Variants in FAM83G observed in about 807,000 individuals in gnomAD.
The protein encoded by FAM83G is protein FAM83G.
In FAM83G, 38 loss-of-function variants were observed where a neutral mutation model predicts 61.5. The observed-to-expected ratio is 0.62, with a 90% CI of 0.48 to 0.81. The LOEUF is 0.81. FAM83G is among the 30% of genes least tolerant of loss of function. The probability of loss-of-function intolerance (pLI) is 0.00; values close to 1 mark genes in which losing one functional copy is unlikely to be tolerated. For missense variants in FAM83G, 989 were observed against 1,133.6 expected (o/e 0.87, Z 1.83); for synonymous variants, 470 against 476.1 (o/e 0.99, Z 0.17).
intron 3 of FAM83G, among the ~76,000 whole-genome samples, chr17:18,979,944 T>A (rs2043086728): frequency 6.6e-6 from 1 of 152,038 alleles, no homozygotes; most frequent in African/African-American, 2.4e-5. Context: ...GCCCTAAAGG[T>A]GTCTGAAGAG....
At chr17:18,973,881 TAA>T (rs1286798460) in intron 5 of FAM83G, among the ~76,000 whole-genome samples, 2 of 134,580 alleles carry the variant, frequency 1.5e-5, no homozygotes, top group Non-Finnish European at 3.1e-5. Context: ...TATTTTTTTT[TAA>T]GTTTTTTTTT....
Position 19,003,882 on chromosome 17 carries a change from T to C in FAM83G, c.160A>G (p.Asn54Asp), listed in dbSNP as rs1597896335. ...AGCTCCGAGAGGAAGTCTCGGATGT[T>C]CTCCCGCTTGAGCACCTCGTAGAAG... ...DAFYEVLKRE[N>D]IRDFLSELEL... is the part of the protein sequence containing the mutation. The change falls in exon 2 of 6, where the codon AAC becomes GAC. Residue 54 changes from asparagine to aspartate, a missense_variant. This residue lies in a region of FAM83G where 371 missense variants were observed against 404.5 expected (regional missense o/e 0.92). Coordinates refer to ENST00000388995, the MANE Select transcript of FAM83G (RefSeq NM_001039999.3). The surrounding 1 kb of genome is among the most constrained non-coding windows in gnomAD (Gnocchi z 4.5). 6.2e-6 allele frequency: 10 copies of C among 1,612,952 alleles called. No individual in the cohort carries two copies. Among genetic ancestry groups the C allele is most frequent in the Non-Finnish European group, 8.5e-6 (10 of 1,179,916 alleles).
intron 3 of FAM83G, among the ~76,000 whole-genome samples, chr17:18,983,934 C>T (rs952862649): frequency 1.3e-5 from 2 of 152,214 alleles, no homozygotes; most frequent in Admixed American, 6.5e-5. Context: ...GACCTGTCCC[C>T]GGCAGTGTAG....
chr17:18,974,865 G>A (rs1184971716), intron 5 of FAM83G, among the ~76,000 whole-genome samples: 2 of 152,180 alleles, frequency 1.3e-5, no homozygotes, highest in Non-Finnish European at 2.9e-5. Flanking sequence ...CTAGACACCA[G>A]TGCTGGGAGG....
In FAM83G at chr17:18,977,998, C is replaced by T. The variant is rs762164644; in HGVS notation, c.1668G>A (p.Arg556=). 4.5e-6 allele frequency: 7 copies of T among 1,567,574 alleles called. No individual in the cohort carries two copies. Among genetic ancestry groups the T allele is most frequent in the South Asian group, 3.5e-5 (3 of 84,546 alleles). Reference sequence around the variant, plus strand: ...GGTCATCCTGGGTCACAGATAGCTGCCGCTGGAGTGGGGCGTGGCCTGGGC... The same window carrying T: ...GGTCATCCTGGGTCACAGATAGCTGTCGCTGGAGTGGGGCGTGGCCTGGGC... The part of the protein sequence containing the change: ...MAGPGHAPLQ[R]QLSVTQDDPE... The change falls in exon 5 of 6, where the codon CGG becomes CGA. Residue 556 remains arginine, a synonymous_variant. Coordinates refer to ENST00000388995, the MANE Select transcript of FAM83G (RefSeq NM_001039999.3).
rs1473928240 is a variant in FAM83G at position 18,978,687 on chromosome 17, C to A, written c.979G>T (p.Val327Leu). The A allele has an allele frequency of 6.2e-7, 1 of 1,612,994 alleles. No individual in the cohort carries two copies. The highest frequency in any genetic ancestry group is 8.5e-7 in the Non-Finnish European group (1 of 1,180,010). Reference protein sequence around the residue: ...MEKEPEPEPIVLPSVVPLVPA... With the variant: ...MEKEPEPEPILLPSVVPLVPA... ...ACCAGGGGGACCACAGAGGGCAGCACAATAGGCTCCGGCTCCGGTTCCTTC... is the reference window on the plus strand; with the variant it reads ...ACCAGGGGGACCACAGAGGGCAGCAAAATAGGCTCCGGCTCCGGTTCCTTC... Residue 327 changes from valine (V) to leucine (L), a missense_variant, in exon 5 of 6, where the codon GTG becomes TTG. Val to Leu is a conservative substitution (Grantham distance 32). Transcript: ENST00000388995.
chr17:18,971,878 GTGGGCCT>G lies in FAM83G; in HGVS notation c.2083-137_2083-131del. On this transcript the variant is annotated intron_variant, in intron 5 of 5. Transcript: ENST00000388995. This position sits in a 1 kb window ranked among gnomAD's most constrained non-coding sequence, Gnocchi z 5.5. ...TCCTGGCTCTGCCATTCACCAGGGA[GTGGGCCT>G]AGACCAGTTGGTTTAGTCACTCGAT... 1.0e-6 allele frequency: 1 copy of G among 966,778 alleles called. No individual in the cohort carries two copies. Among genetic ancestry groups the G allele is most frequent in the Non-Finnish European group, 1.5e-6 (1 of 667,442 alleles). 59.9% of individuals were successfully genotyped at this position (966,778 alleles called of 1,614,324 possible).
chr17:18,977,233 G>C, intron 5 of FAM83G: 1 of 610,382 alleles, frequency 1.6e-6, no homozygotes, highest in Non-Finnish European at 2.8e-6. Context: ...GAACGTCCCT[G>C]TGCCCCGCCT....
In FAM83G at chr17:18,968,820, T is replaced by C. The variant is rs984714540; in HGVS notation, c.*2539A>G. 3.7e-6 allele frequency: 2 copies of C among 537,000 alleles called. No homozygotes were observed. Among genetic ancestry groups the C allele is most frequent in the Middle Eastern group, 4.9e-4 (1 of 2,028 alleles). The allele number at this position is 537,000 out of a possible 1,614,324, so 33.3% of individuals were successfully genotyped here. A position where few individuals can be genotyped will look rare whatever the true frequency, so the allele number is the denominator to read the frequency against. On this transcript the variant is annotated 3_prime_UTR_variant, in exon 6 of 6. Coordinates refer to ENST00000388995, the MANE Select transcript of FAM83G (RefSeq NM_001039999.3). This position sits in a 1 kb window ranked among gnomAD's most constrained non-coding sequence, Gnocchi z 4.1. Reference sequence around the variant, plus strand: ...GAAAGGCATTGGCCACTTTGGACTTTATTAGCAACAGTAATGTCCCCTGAC... The same window carrying C: ...GAAAGGCATTGGCCACTTTGGACTTCATTAGCAACAGTAATGTCCCCTGAC...
At position 18,977,964 on chromosome 17, in the gene FAM83G, G is replaced by C. The variant is rs775468730; in HGVS notation, c.1702C>G (p.Leu568Val). 3 of 1,592,796 alleles carry C rather than the reference G, an allele frequency of 1.9e-6. No individual in the cohort carries two copies. The highest frequency in any genetic ancestry group is 1.7e-4 in the Middle Eastern group (1 of 5,978). The change falls in exon 5 of 6, where the codon CTC (leucine) becomes GTC (valine). Residue 568 changes from leucine to valine, a missense_variant. Leu to Val is a conservative substitution (Grantham distance 32, BLOSUM62 1). This residue lies in a region of FAM83G where 574 missense variants were observed against 645.1 expected (regional missense o/e 0.89). Transcript: ENST00000388995. ...LSVTQDDPES[L>V]GVGLPNGLDG... is the part of the protein sequence containing the mutation. The stretch of plus-strand genomic sequence containing the variant: ...AGCCCATTGGGGAGCCCCACCCCGA[G>C]GCTCTCGGGGTCATCCTGGGTCACA...
chr17:18,979,707 C>A (rs1567792227), intron 3 of FAM83G, 34 bp from the exon 4 acceptor site: 1 of 1,611,090 alleles, frequency 6.2e-7, no homozygotes, highest in South Asian at 1.1e-5. Context: ...AATTACACGA[C>A]TGCAACCCTG....
In FAM83G at chr17:18,969,098, G is replaced by A. The variant is rs1296405873; in HGVS notation, c.*2261C>T. 4 of 1,614,012 alleles carry A rather than the reference G, an allele frequency of 2.5e-6. No homozygotes were observed. Among genetic ancestry groups the A allele is most frequent in the East Asian group, 2.2e-5 (1 of 44,894 alleles). On this transcript the variant is annotated 3_prime_UTR_variant, in exon 6 of 6. Coordinates refer to ENST00000388995, the MANE Select transcript of FAM83G (RefSeq NM_001039999.3). The stretch of plus-strand genomic sequence containing the variant: ...CTGTTTGTGCACATCTGCCTGGGCT[G>A]GAACTTCTACCTCTCCACCATCCTC...
intron 3 of FAM83G, among the ~76,000 whole-genome samples, chr17:18,980,537 T>A (rs898082873): frequency 2.6e-5 from 4 of 152,074 alleles, no homozygotes; most frequent in South Asian, 4.1e-4. Flanking sequence ...TCTGTCCCAG[T>A]GTGGAGTCTC....
In FAM83G at chr17:18,977,777, C is replaced by T. The variant is rs759629345; in HGVS notation, c.1889G>A (p.Arg630Gln). 9.4e-6 allele frequency: 15 copies of T among 1,601,928 alleles called. No individual in the cohort carries two copies. In the African/African-American group the frequency reaches 9.4e-5, roughly 10 times the overall value. Residue 630 changes from arginine (R) to glutamine (Q), a missense_variant, in exon 5 of 6, where the codon CGG becomes CAG. Arg to Gln is a conservative substitution (Grantham distance 43, BLOSUM62 1). This residue lies in a region of FAM83G where 574 missense variants were observed against 645.1 expected (regional missense o/e 0.89). Coordinates refer to ENST00000388995, the MANE Select transcript of FAM83G (RefSeq NM_001039999.3). ...FEVREHSVPL[R>Q]RRHSEQVANG... The stretch of plus-strand genomic sequence containing the variant: ...GGCCACTTGCTCTGAGTGGCGCCTC[C>T]GGAGAGGGACTGAGTGCTCTCTCAC...
intron 2 of FAM83G, among the ~76,000 whole-genome samples, chr17:19,001,491 T>C (rs73981287): frequency 0.063 from 9,564 of 152,248 alleles, 1,007 homozygotes; most frequent in African/African-American, 0.22. Flanking sequence ...TGTCCGAGGC[T>C]GGAGGACATC....
intron 3 of FAM83G, 65 bp downstream of exon 3, chr17:18,988,182 T>C: frequency 1.3e-6 from 2 of 1,572,042 alleles, no homozygotes; most frequent in Non-Finnish European, 1.7e-6. Context: ...GTACTCGAAG[T>C]GTTTGTTGAC....
intron 3 of FAM83G, among the ~76,000 whole-genome samples, chr17:18,984,724 G>T (rs1409521026): frequency 6.6e-6 from 1 of 152,234 alleles, no homozygotes; most frequent in East Asian, 1.9e-4. Flanking sequence ...GTTGGCCTGG[G>T]AGCATCCCTC....
intron 5 of FAM83G, chr17:18,977,197 T>G (rs1283864468): frequency 1.5e-6 from 1 of 670,416 alleles, no homozygotes; most frequent in Non-Finnish European, 2.5e-6. Context: ...TATCACTTAC[T>G]GCTGTGTGAC....
chr17:18,984,576 A>T (rs961926943), intron 3 of FAM83G, among the ~76,000 whole-genome samples: 20 of 152,222 alleles, frequency 1.3e-4, no homozygotes, highest in Non-Finnish European at 2.6e-4. Context: ...AGAAACGGGA[A>T]ACGGGTCTGG....
Sources: gnomAD v4.1 joint callset for allele counts (sites outside exome capture counted in the v4.1 genomes callset) on GRCh38, gnomAD v4.1.1 for gene constraint, gnomAD v4.1.1 regional missense constraint, Gnocchi (gnomAD v3.1) non-coding constraint, MANE v1.5 for transcripts, NCBI Gene and HGNC (gene_info 2026-07-23, HGNC 2026-07-21) for gene names.